The following EXD3 variants were observed in gnomAD, a reference collection of about 807,000 sequenced individuals.
EXD3 encodes the protein exonuclease mut-7 homolog.
EXD3 carries 92 observed loss-of-function variants against 98.0 expected under a neutral mutation model. The observed-to-expected ratio is 0.94, with a 90% CI of 0.79 to 1.12. The LOEUF (loss-of-function observed/expected upper bound fraction) is 1.12. EXD3 is among the 50% of genes most tolerant of loss of function. EXD3 has a pLI of 0.00. For missense variants in EXD3, 1,222 were observed against 1,191.6 expected, an observed-to-expected ratio of 1.03 and a Z score of -0.38; for synonymous variants, 569 against 526.0, an observed-to-expected ratio of 1.08 and a Z score of -1.12.
At chr9:137,394,184 CCCCAGCCT>C (rs1184082639) in intron 2 of EXD3, among the ~76,000 whole-genome samples, 1 of 89,008 alleles carries the variant, frequency 1.1e-5, no homozygotes, top group Non-Finnish European at 2.6e-5. Context: ...GCTTCCCTAA[CCCCAGCCT>C]CCCAGCCTCC....
chr9:137,392,600 C>T (rs1322778474), intron 2 of EXD3: 6 of 262,710 alleles, frequency 2.3e-5, no homozygotes, highest in African/African-American at 8.8e-5. Context: ...GAGCTGGACA[C>T]GAACCATGTA....
At chr9:137,421,072 T>C (rs1270638967) in intron 1 of EXD3, among the ~76,000 whole-genome samples, 1 of 152,166 alleles carries the variant, frequency 6.6e-6, no homozygotes, top group Non-Finnish European at 1.5e-5. Context: ...CACCTTGGCC[T>C]CCCAAAGTGC....
chr9:137,349,482 A>G lies in EXD3; in HGVS notation c.1544T>C (p.Leu515Pro), dbSNP rs1335910419. The G allele has an allele frequency of 6.2e-7, 1 of 1,604,104 alleles. No homozygotes were observed. Among genetic ancestry groups the G allele is most frequent in the East Asian group, 2.2e-5 (1 of 44,826 alleles). ...CTGCACCAGGAGGCTCAGGCCCCTC[A>G]GCTCCCTGGCCCTGTCCACGGCTGG... Reference protein sequence around the residue: ...PAPAVDRARELRGLSLLVQQV... With the variant: ...PAPAVDRAREPRGLSLLVQQV... Residue 515 changes from leucine to proline, a missense_variant, in exon 15 of 22, where the codon CTG (leucine) becomes CCG (proline). By Grantham distance (98) the Leu-to-Pro change is moderately conservative (BLOSUM62 -3). Coordinates refer to ENST00000340951, the MANE Select transcript of EXD3 (RefSeq NM_017820.5). This position sits in a 1 kb window ranked among gnomAD's most constrained non-coding sequence, Gnocchi z 7.4.
Position 137,373,586 on chromosome 9 carries a change from G to C in EXD3, c.134C>G (p.Ala45Gly), listed in dbSNP as rs367771083. Residue 45 changes from alanine (A) to glycine (G), a missense_variant, in exon 4 of 22, where the codon GCC (alanine) becomes GGC (glycine). By Grantham distance (60) the Ala-to-Gly change is moderately conservative. Coordinates refer to ENST00000340951, the MANE Select transcript of EXD3 (RefSeq NM_017820.5). ...TRERKQLREE[A>G]WRGFAALDDP... ...GTCCAAGGCAGCAAACCCCCGCCAG[G>C]CTTCCTCCCGGAGCTGTGGAGACAC... 5 of 1,601,190 alleles carry C rather than the reference G, an allele frequency of 3.1e-6. No homozygotes were observed. The highest frequency in any genetic ancestry group is 1.7e-6 in the Non-Finnish European group (2 of 1,174,736).
At chr9:137,390,978 C>G (rs1007239942) in intron 2 of EXD3, among the ~76,000 whole-genome samples, 13 of 152,256 alleles carry the variant, frequency 8.5e-5, no homozygotes, top group African/African-American at 1.2e-4. Flanking sequence ...GGGACAAGCC[C>G]GTCCCCAGGG....
At chr9:137,413,362 G>A (rs1445484244) in intron 1 of EXD3, among the ~76,000 whole-genome samples, 2 of 151,954 alleles carry the variant, frequency 1.3e-5, no homozygotes, top group African/African-American at 4.8e-5. Flanking sequence ...CACCACGCCC[G>A]GCTAATTTTT....
rs185929478 is a variant in EXD3, at chr9:137,353,140, C to T, written c.871-354G>A. On this transcript the variant is annotated intron_variant, in intron 10 of 21. Coordinates refer to ENST00000340951, the MANE Select transcript of EXD3 (RefSeq NM_017820.5). ...ACCTTCCCGGCCTCCAAGCCTCCAC[C>T]GGCCCTCCTGGCCTCCAAGCCTCTG... 9.7e-3 allele frequency: 9,520 copies of T among 984,188 alleles called. 48 individuals carry two copies. Among genetic ancestry groups the T allele is most frequent in the Non-Finnish European group, 0.011 (8,737 of 829,454 alleles). The allele number at this position is 984,188 out of a possible 1,614,324, so 61.0% of individuals were successfully genotyped here.
chr9:137,355,463 AAG>A (rs1491300522), intron 8 of EXD3, among the ~76,000 whole-genome samples: 1 of 110,930 alleles, frequency 9.0e-6, no homozygotes, highest in African/African-American at 4.4e-5. Flanking sequence ...AGGAAGGAGA[AAG>A]GAGGAAGGAG....
chr9:137,356,014 G>A (rs892551465), intron 8 of EXD3, among the ~76,000 whole-genome samples: 2 of 152,214 alleles, frequency 1.3e-5, no homozygotes, highest in African/African-American at 2.4e-5. Context: ...CAGGAGGCAG[G>A]AAGCCCTCCC....
chr9:137,373,535 A>C lies in EXD3; in HGVS notation c.185T>G (p.Met62Arg). The stretch of plus-strand genomic sequence containing the variant: ...CCGCTGGCCCCGGCAGCTCTCCAGC[A>C]TGTCCAGAAGCCCGGCCAGGGGGTC... ...LDDPLAGLLD[M>R]LESCRGQRGE... is the part of the protein sequence containing the mutation. Residue 62 changes from methionine (M) to arginine (R), a missense_variant, in exon 4 of 22, where the codon ATG (methionine) becomes AGG (arginine). Met to Arg is a moderately conservative substitution (Grantham distance 91). Coordinates refer to ENST00000340951, the MANE Select transcript of EXD3 (RefSeq NM_017820.5). The C allele has an allele frequency of 1.2e-6, 2 of 1,604,400 alleles. No individual in the cohort carries two copies. Among genetic ancestry groups the C allele is most frequent in the Non-Finnish European group, 1.7e-6 (2 of 1,176,626 alleles).
chr9:137,418,768 GAA>G (rs56729101), intron 1 of EXD3, among the ~76,000 whole-genome samples: 57 of 142,630 alleles, frequency 4.0e-4, no homozygotes, highest in African/African-American at 1.4e-3. Context: ...TGAGTAAACA[GAA>G]AAAAAAAAAG....
intron 2 of EXD3, among the ~76,000 whole-genome samples, chr9:137,388,148 T>TG (rs1362794288): frequency 1.3e-5 from 2 of 152,106 alleles, no homozygotes; most frequent in Non-Finnish European, 1.5e-5. Flanking sequence ...TGCTTCTCTC[T>TG]GGGGGGCTGA....
intron 17 of EXD3, among the ~76,000 whole-genome samples, chr9:137,328,873 T>G (rs1413257493): frequency 1.8e-5 from 1 of 55,238 alleles, no homozygotes. Context: ...TACACGGGAC[T>G]ACACGGGACT....
chr9:137,374,549 A>T (rs1377675583), intron 3 of EXD3: 5 of 985,196 alleles, frequency 5.1e-6, no homozygotes, highest in African/African-American at 1.7e-5. Context: ...CCGAAACAAA[A>T]GGCTCCCAGC....
At position 137,347,308 on chromosome 9, in the gene EXD3, T is replaced by A. The variant is rs1833988186; in HGVS notation, c.1998+763A>T. Among the ~76,000 whole-genome samples, 1 of 152,106 alleles carries A rather than the reference T, an allele frequency of 6.6e-6. No homozygotes were observed. The highest frequency in any genetic ancestry group is 1.5e-5 in the Non-Finnish European group (1 of 68,006). On this transcript the variant is annotated intron_variant, in intron 17 of 21. Transcript: ENST00000340951. The surrounding 1 kb of genome is among the most constrained non-coding windows in gnomAD (Gnocchi z 4.2). ...GAACCTGCTTCTGGGCTTGGTCAGG[T>A]GTTGGCAGAATCTGGCTGCTTGTGG...
At chr9:137,414,190 T>C (rs1838135784) in intron 1 of EXD3, among the ~76,000 whole-genome samples, 1 of 152,262 alleles carries the variant, frequency 6.6e-6, no homozygotes, top group Non-Finnish European at 1.5e-5. Context: ...GTGCTGGGAT[T>C]ACAGGCGTGA....
chr9:137,332,654 TAA>T (rs1564484343), intron 17 of EXD3, among the ~76,000 whole-genome samples: 77 of 151,646 alleles, frequency 5.1e-4, no homozygotes, highest in African/African-American at 1.7e-3. Context: ...CCATCCTGGC[TAA>T]AACAGTGAAA....
intron 17 of EXD3, among the ~76,000 whole-genome samples, chr9:137,325,438 C>CT (rs925484387): frequency 7.7e-4 from 113 of 147,110 alleles, no homozygotes; most frequent in East Asian, 5.9e-4. Context: ...CATCAGTTAA[C>CT]TTTTTTTTTT....
chr9:137,352,225 GC>G, intron 11 of EXD3, 24 bp from the exon 12 acceptor site: 1 of 1,611,872 alleles, frequency 6.2e-7, no homozygotes, highest in Admixed American at 1.7e-5. Context: ...AGCTGGTAGC[GC>G]CCCCATGTCC....
Sources: allele counts gnomAD v4.1 joint callset (sites outside exome capture counted in the v4.1 genomes callset), GRCh38; gene constraint gnomAD v4.1.1; non-coding constraint Gnocchi (gnomAD v3.1); transcripts MANE v1.5; gene names NCBI Gene and HGNC (gene_info 2026-07-23, HGNC 2026-07-21).